TECPR1: variants seen among roughly 807,000 people sequenced by gnomAD.
The protein encoded by TECPR1 is tectonin beta-propeller repeat-containing protein 1.
In TECPR1, 122 loss-of-function variants were observed where a neutral mutation model predicts 162.4. The observed-to-expected ratio is 0.75, with a 90% CI of 0.65 to 0.87. The LOEUF (loss-of-function observed/expected upper bound fraction) is 0.87, where lower values mean the gene tolerates loss of function less well. Among genes scored for constraint, TECPR1 ranks in the 40% least tolerant of loss-of-function variants. The pLI, the probability that TECPR1 is intolerant of heterozygous loss-of-function variation, is 0.00. For synonymous variants in TECPR1, 642 were observed against 670.6 expected, an observed-to-expected ratio of 0.96 and a Z score of 0.66; for missense variants, 1,432 against 1,618.2, an observed-to-expected ratio of 0.88 and a Z score of 1.97.
chr7:98,231,203 A>T (rs1584336169), intron 14 of TECPR1, 21 bp downstream of exon 14: 1 of 1,609,966 alleles, frequency 6.2e-7, no homozygotes, highest in East Asian at 2.2e-5. Context: ...CCCCGGCCCG[A>T]GGGGACCACC....
At chr7:98,218,138 A>G (rs1161717494) in intron 23 of TECPR1, 96 bp from the exon 24 acceptor site, 13 of 1,005,712 alleles carry the variant, frequency 1.3e-5, no homozygotes, top group Non-Finnish European at 1.9e-5. Flanking sequence ...CGCTCTAACC[A>G]CTTCGGGGTT....
Position 98,217,752 on chromosome 7 carries a change from A to T in TECPR1, c.3324T>A (p.Cys1108Ter). Residue 1108 changes from cysteine (C) to a stop codon, truncating the protein, a stop_gained, in exon 25 of 26, where the codon TGT becomes TGA. Coordinates refer to ENST00000447648, the MANE Select transcript of TECPR1 (RefSeq NM_015395.3). LOFTEE classifies it high-confidence loss of function. ...GSHSLSRGTV[C>*]HRTGVQPHEP... ...CGTGAGGCTGCACGCCGGTGCGATG[A>T]CACACTGTCCCCCGGCTCAGGCTGT... 1 of 1,550,762 alleles carries T rather than the reference A, an allele frequency of 6.4e-7. No individual in the cohort carries two copies. The highest frequency in any genetic ancestry group is 8.7e-7 in the Non-Finnish European group (1 of 1,147,024).
At chr7:98,239,165 G>A (rs2116604012) in intron 8 of TECPR1, among the ~76,000 whole-genome samples, 1 of 152,344 alleles carries the variant, frequency 6.6e-6, no homozygotes, top group Admixed American at 6.5e-5. Flanking sequence ...CCGCCACCCG[G>A]CATTCCATCA....
At chr7:98,230,842 G>A in intron 15 of TECPR1, 119 bp downstream of exon 15, 1 of 1,343,068 alleles carries the variant, frequency 7.4e-7, no homozygotes, top group South Asian at 1.5e-5. Flanking sequence ...CCGTGCCTCT[G>A]CCTGGTCAGC....
chr7:98,226,040 G>T (rs1798272709), intron 17 of TECPR1, among the ~76,000 whole-genome samples: 1 of 152,212 alleles, frequency 6.6e-6, no homozygotes, highest in Non-Finnish European at 1.5e-5. Flanking sequence ...AGGCTGAGAT[G>T]CCTGGAGAAC....
In TECPR1 at chr7:98,222,494, C is replaced by T. The variant is rs769357623; in HGVS notation, c.2956G>A (p.Asp986Asn). The change falls in exon 22 of 26, where the codon GAC becomes AAC. Residue 986 changes from aspartate to asparagine, a missense_variant. Transcript: ENST00000447648. Reference protein sequence around the residue: ...AGSSWLHVGTDQPFASISIGA... With the variant: ...AGSSWLHVGTNQPFASISIGA... ...ATGGAGATGGAGGCGAAGGGCTGGT[C>T]GGTGCCAACGTGCAGCCAGGAGGAG... The T allele has an allele frequency of 7.5e-6, 12 of 1,589,888 alleles. No individual in the cohort carries two copies. The highest frequency in any genetic ancestry group is 2.3e-5 in the East Asian group (1 of 43,716).
chr7:98,220,705 C>A (rs928582092), intron 23 of TECPR1, among the ~76,000 whole-genome samples: 7 of 152,154 alleles, frequency 4.6e-5, no homozygotes, highest in African/African-American at 1.7e-4. Flanking sequence ...ACTACAGGCA[C>A]CCGCCACCAC....
intron 21 of TECPR1, 104 bp from the exon 22 acceptor site, chr7:98,222,625 G>T: frequency 7.2e-7 from 1 of 1,392,402 alleles, no homozygotes. Flanking sequence ...CAGCATAGGT[G>T]GCTGGGGGAC....
chr7:98,250,454 C>G (rs984862201), intron 2 of TECPR1, among the ~76,000 whole-genome samples: 27 of 151,770 alleles, frequency 1.8e-4, no homozygotes, highest in Admixed American at 3.9e-4. Flanking sequence ...ACAGGGAGAC[C>G]CCATCTCTGT....
chr7:98,249,397 A>T (rs542565825), intron 2 of TECPR1, among the ~76,000 whole-genome samples: 2 of 152,014 alleles, frequency 1.3e-5, no homozygotes, highest in Admixed American at 1.3e-4. Context: ...GACCCCCTCC[A>T]TCCCAGGACA....
At chr7:98,221,817 G>T in intron 22 of TECPR1, 64 bp from the exon 23 acceptor site, 1 of 1,334,342 alleles carries the variant, frequency 7.5e-7, no homozygotes, top group Non-Finnish European at 1.1e-6. Context: ...AGGTGGGGCT[G>T]TGGGCCTCGG....
intron 13 of TECPR1, 115 bp downstream of exon 13, chr7:98,231,688 TG>T: frequency 1.0e-6 from 1 of 999,114 alleles, no homozygotes; most frequent in Non-Finnish European, 1.3e-6. Flanking sequence ...TGTCCCTCCC[TG>T]GGCACCCTCA....
chr7:98,241,582 G>C lies in TECPR1; in HGVS notation c.658-338C>G, dbSNP rs1383513294. ...GTGGCGATGTGCTCTCAGGACACCC[G>C]GCTCCAGGGGAGGCTCCAACTCCCA... On this transcript the variant is annotated intron_variant, in intron 6 of 25. Transcript: ENST00000447648. This position sits in a 1 kb window ranked among gnomAD's most constrained non-coding sequence, Gnocchi z 5.0. Among the ~76,000 whole-genome samples, 1 of 152,158 alleles carries C rather than the reference G, an allele frequency of 6.6e-6. No homozygotes were observed. The highest frequency in any genetic ancestry group is 1.5e-5 in the Non-Finnish European group (1 of 68,032).
At chr7:98,224,403 C>G (rs1220950974) in intron 19 of TECPR1, among the ~76,000 whole-genome samples, 2 of 152,214 alleles carry the variant, frequency 1.3e-5, no homozygotes, top group Admixed American at 6.5e-5. Context: ...GGGCCTGGCT[C>G]AAAGCCCCCC....
chr7:98,248,733 G>C (rs2116640710), intron 2 of TECPR1, among the ~76,000 whole-genome samples: 1 of 151,876 alleles, frequency 6.6e-6, no homozygotes, highest in South Asian at 2.1e-4. Context: ...TGTAATCTCA[G>C]TTACTCAGGA....
chr7:98,215,761 G>A lies in TECPR1; in HGVS notation c.*1629C>T, dbSNP rs1288551470. 2 of 152,220 alleles carry A rather than the reference G, an allele frequency of 1.3e-5. No individual in the cohort carries two copies. Among genetic ancestry groups the A allele is most frequent in the South Asian group, 2.1e-4 (1 of 4,830 alleles). 9.4% of individuals were successfully genotyped at this position (152,220 alleles called of 1,614,324 possible). A position where few individuals can be genotyped will look rare whatever the true frequency, so the allele number is the denominator to read the frequency against. On this transcript the variant is annotated 3_prime_UTR_variant, in exon 26 of 26. Coordinates refer to ENST00000447648, the MANE Select transcript of TECPR1 (RefSeq NM_015395.3). Reference sequence around the variant, plus strand: ...AGTGAAATGTAAACAGACAGGACAGGGTGGTTCCAGGTGGCCACCACCGCC... The same window carrying A: ...AGTGAAATGTAAACAGACAGGACAGAGTGGTTCCAGGTGGCCACCACCGCC...
intron 14 of TECPR1, 50 bp from the exon 15 acceptor site, chr7:98,231,168 G>T (rs373458271): frequency 1.9e-6 from 3 of 1,607,278 alleles, no homozygotes; most frequent in Non-Finnish European, 1.7e-6. Context: ...GCCAGGCCAG[G>T]CCACCCCACC....
intron 23 of TECPR1, among the ~76,000 whole-genome samples, chr7:98,221,173 G>A (rs867886432): frequency 1.3e-5 from 2 of 152,028 alleles, no homozygotes; most frequent in African/African-American, 2.4e-5. Flanking sequence ...GTGGTGGTGC[G>A]TGTCTGTAAT....
chr7:98,250,399 G>T (rs1026286564), intron 2 of TECPR1, among the ~76,000 whole-genome samples: 16 of 152,158 alleles, frequency 1.1e-4, no homozygotes, highest in African/African-American at 3.9e-4. Context: ...GGGCTGAGGT[G>T]GGAGGATCGC....
Sources: gnomAD v4.1 joint callset for allele counts (sites outside exome capture counted in the v4.1 genomes callset) on GRCh38, gnomAD v4.1.1 for gene constraint, Gnocchi (gnomAD v3.1) non-coding constraint, MANE v1.5 for transcripts, NCBI Gene and HGNC (gene_info 2026-07-23, HGNC 2026-07-21) for gene names.